The following MYO6 variants were observed in gnomAD, a reference collection of about 807,000 sequenced individuals.
The protein encoded by MYO6 is unconventional myosin-VI.
Under a neutral mutation model 178.7 loss-of-function variants are expected in MYO6, and 74 were observed. That is an observed-to-expected ratio of 0.41 (90% confidence interval 0.34 to 0.50). The LOEUF (loss-of-function observed/expected upper bound fraction) is 0.50. Ranked by LOEUF, MYO6 falls within the 20% of genes least tolerant of loss-of-function variation. MYO6 has a pLI of 0.09. For synonymous variants in MYO6, 477 were observed against 504.6 expected (o/e 0.95, Z 0.73); for missense variants, 1,330 against 1,547.4 (o/e 0.86, Z 2.36).
At chr6:75,834,474 G>A (rs1032652991) in intron 6 of MYO6, among the ~76,000 whole-genome samples, 3 of 152,034 alleles carry the variant, frequency 2.0e-5, no homozygotes, top group Non-Finnish European at 2.9e-5. Context: ...CTCAAGTGAT[G>A]CTCCCACTTT....
At position 75,866,572 on chromosome 6, in the gene MYO6, A is replaced by C; in HGVS notation, c.1721A>C (p.Asp574Ala). Residue 574 changes from aspartate (D) to alanine (A), a missense_variant, in exon 17 of 35, where the codon GAC (aspartate) becomes GCC (alanine). Asp to Ala is a moderately radical substitution (Grantham distance 126). Coordinates refer to ENST00000369977, the MANE Select transcript of MYO6 (RefSeq NM_004999.4). ...KLAVHRNIRD[D>A]EGFIIRHFAG... is the part of the protein sequence containing the mutation. ...GCAGTTCATAGGAATATCAGAGACG[A>C]CGAAGGCTTCATTATCAGGCATTTT... 1 of 1,614,132 alleles carries C rather than the reference A, an allele frequency of 6.2e-7. No individual in the cohort carries two copies. Among genetic ancestry groups the C allele is most frequent in the Non-Finnish European group, 8.5e-7 (1 of 1,179,972 alleles).
intron 1 of MYO6, among the ~76,000 whole-genome samples, chr6:75,815,933 A>G (rs957300330): frequency 3.9e-5 from 6 of 152,230 alleles, no homozygotes; most frequent in African/African-American, 1.4e-4. Context: ...ATCCATTGTT[A>G]CATTTTAGTC....
At chr6:75,907,791 T>C in intron 31 of MYO6, 83 bp downstream of exon 31, 1 of 916,706 alleles carries the variant, frequency 1.1e-6, no homozygotes, top group Non-Finnish European at 1.7e-6. Context: ...GGTGTGTGTG[T>C]GTATGTGTGT....
chr6:75,813,180 G>C (rs953681011), intron 1 of MYO6, among the ~76,000 whole-genome samples: 2 of 152,144 alleles, frequency 1.3e-5, no homozygotes, highest in African/African-American at 4.8e-5. Context: ...GCAGGGCCTG[G>C]AATCAAGAAC....
rs762327707 is a variant in MYO6 at position 75,855,281 on chromosome 6, A to G, written c.1221A>G (p.Ile407Met). 1 of 1,613,334 alleles carries G rather than the reference A, an allele frequency of 6.2e-7. No homozygotes were observed. Among genetic ancestry groups the G allele is most frequent in the Non-Finnish European group, 8.5e-7 (1 of 1,179,500 alleles). ...CAGGGGGCACCAAAGGAACAGTTAT[A>G]AAGTAAGTTCCTTAAGTAATTGCAC... is the stretch of plus-strand genomic sequence containing the variant. The part of the protein sequence containing the change: ...TTAGGTKGTV[I>M]KVPLKVEQAN... Residue 407 changes from isoleucine to methionine, a missense_variant and splice_region_variant, in exon 12 of 35, where the codon ATA (isoleucine) becomes ATG (methionine). Coordinates refer to ENST00000369977, the MANE Select transcript of MYO6 (RefSeq NM_004999.4).
intron 9 of MYO6, among the ~76,000 whole-genome samples, chr6:75,842,202 G>A (rs1011670391): frequency 7.4e-5 from 11 of 148,976 alleles, no homozygotes; most frequent in African/African-American, 2.7e-4. Flanking sequence ...ACACACACAT[G>A]CACACACACA....
chr6:75,787,494 A>G (rs1767689034), intron 1 of MYO6, among the ~76,000 whole-genome samples: 1 of 151,958 alleles, frequency 6.6e-6, no homozygotes, highest in Admixed American at 6.6e-5. Context: ...TCAGGAATAC[A>G]TGATTCCATA....
chr6:75,792,590 A>G (rs890859382), intron 1 of MYO6, among the ~76,000 whole-genome samples: 5 of 152,088 alleles, frequency 3.3e-5, no homozygotes, highest in Non-Finnish European at 7.4e-5. Context: ...TTAGAATATA[A>G]CATTTTCAAA....
chr6:75,867,968 A>G (rs959885556), intron 18 of MYO6, among the ~76,000 whole-genome samples: 4 of 152,120 alleles, frequency 2.6e-5, no homozygotes, highest in African/African-American at 9.7e-5. Flanking sequence ...AATTTCTTAT[A>G]TATTTCTACA....
At chr6:75,841,873 T>C (rs1774265782) in intron 9 of MYO6, among the ~76,000 whole-genome samples, 2 of 152,166 alleles carry the variant, frequency 1.3e-5, no homozygotes, top group African/African-American at 2.4e-5. Context: ...GCTGAGTTTA[T>C]AGTATAACAC....
chr6:75,887,133 T>C (rs1778497928), intron 25 of MYO6, 139 bp downstream of exon 25: 1 of 763,784 alleles, frequency 1.3e-6, no homozygotes, highest in African/African-American at 1.7e-5. Context: ...GGCAAGTACA[T>C]GCTCATCATT....
rs577103061 is a variant in MYO6 at position 75,831,751 on chromosome 6, G to A, written c.392-1091G>A. The stretch of plus-strand genomic sequence containing the variant: ...TATAAAAAAAATGAAAAAATTAGCC[G>A]GGCATGTGCTTGCCTATAGTCCCAG... On this transcript the variant is annotated intron_variant, in intron 5 of 34. Coordinates refer to ENST00000369977, the MANE Select transcript of MYO6 (RefSeq NM_004999.4). 3.2e-4 allele frequency among the ~76,000 whole-genome samples: 48 copies of A among 151,904 alleles called. No homozygotes were observed. The South Asian group carries it at 9.4e-3, about 30-fold the overall frequency.
intron 13 of MYO6, among the ~76,000 whole-genome samples, 155 bp from the exon 14 acceptor site, chr6:75,858,742 TTGAAA>T (rs1237309120): frequency 6.6e-6 from 1 of 152,234 alleles, no homozygotes; most frequent in African/African-American, 2.4e-5. Flanking sequence ...AAGTTTTGTC[TTGAAA>T]TGAGAACATT....
chr6:75,863,312 C>T (rs913643420), intron 16 of MYO6, among the ~76,000 whole-genome samples: 1 of 152,070 alleles, frequency 6.6e-6, no homozygotes, highest in Admixed American at 6.6e-5. Flanking sequence ...AATGATCAGC[C>T]AATTCATTTT....
rs199542202 is a variant in MYO6 at position 75,750,614 on chromosome 6, CT to C, written c.-48+1203del. Among the ~76,000 whole-genome samples the C allele has an allele frequency of 2.3e-3, 323 of 141,494 alleles. 2 individuals carry two copies. The highest frequency in any genetic ancestry group is 4.8e-3 in the African/African-American group (186 of 38,540). The allele number at this position is 141,494 out of a possible 152,430, so 92.8% of individuals were successfully genotyped here. On this transcript the variant is annotated intron_variant, in intron 1 of 34. Transcript: ENST00000369977. ...AGAACTTGAGAGTTTTAAAAATTAA[CT>C]TTTTTTTTTTTGAGACAGAGCCTCG...
intron 20 of MYO6, among the ~76,000 whole-genome samples, chr6:75,874,689 C>T (rs771810032): frequency 6.6e-6 from 1 of 152,176 alleles, no homozygotes; most frequent in Non-Finnish European, 1.5e-5. Context: ...TGGATCTTTC[C>T]CATTACCATT....
chr6:75,781,278 G>A (rs1429447889), intron 1 of MYO6, among the ~76,000 whole-genome samples: 8 of 152,216 alleles, frequency 5.3e-5, no homozygotes, highest in Non-Finnish European at 8.8e-5. Flanking sequence ...GGGTTAGAGT[G>A]AATGACTTCG....
intron 1 of MYO6, among the ~76,000 whole-genome samples, chr6:75,792,974 T>C (rs1422835749): frequency 2.6e-5 from 4 of 151,936 alleles, no homozygotes. Flanking sequence ...AATTTTTTTG[T>C]AGAGACAAGA....
chr6:75,857,590 T>G (rs1000331278), intron 13 of MYO6, among the ~76,000 whole-genome samples: 22 of 152,180 alleles, frequency 1.4e-4, no homozygotes, highest in African/African-American at 5.3e-4. Flanking sequence ...CATTCACTGA[T>G]TAAATAACAA....
Sources: gnomAD v4.1 joint callset for allele counts (sites outside exome capture counted in the v4.1 genomes callset) on GRCh38, gnomAD v4.1.1 for gene constraint, MANE v1.5 for transcripts, NCBI Gene and HGNC (gene_info 2026-07-23, HGNC 2026-07-21) for gene names.